Variants in TSC1 observed in about 807,000 individuals in gnomAD.
TSC1 encodes TSC complex subunit 1.
In TSC1, 20 loss-of-function variants were observed where a neutral mutation model predicts 124.3. The observed-to-expected ratio is 0.16, with a 90% confidence interval of 0.11 to 0.23. The LOEUF (loss-of-function observed/expected upper bound fraction) is 0.23, where lower values mean the gene tolerates loss of function less well. Among genes scored for constraint, TSC1 ranks in the 10% least tolerant of loss-of-function variants. TSC1 has a pLI of 1.00. For synonymous variants in TSC1, 493 were observed against 539.1 expected (o/e 0.91, Z 1.19); for missense variants, 1,124 against 1,448.5 (o/e 0.78, Z 3.64).
intron 20 of TSC1, chr9:132,900,205 T>C (rs1845295229): frequency 1.1e-5 from 2 of 177,004 alleles, no homozygotes; most frequent in Admixed American, 1.1e-4. Context: ...CCTGAGGCTA[T>C]TTATAAAGTG....
rs118203723 is a variant in TSC1 at position 132,897,583 on chromosome 9, G to A, written c.2653C>T (p.Arg885Trp). ...CTTCTGTTTTTTTCTAGCTCTTTCC[G>A]ATAGGCGGCTTTCATCATTTCTACT... ...KEVEMMKAAYRKELEKNRSHV... is the reference protein window; with the variant it reads ...KEVEMMKAAYWKELEKNRSHV... The change falls in exon 21 of 23, where the codon CGG becomes TGG. Residue 885 changes from arginine (R) to tryptophan (W), a missense_variant. Physicochemically the swap from Arg to Trp is moderately radical, Grantham distance 101 (BLOSUM62 -3). Transcript: ENST00000298552. 4.0e-5 allele frequency: 59 copies of A among 1,467,532 alleles called. No homozygotes were observed. In the African/African-American group the frequency reaches 6.6e-4, roughly 16 times the overall value. The allele number at this position is 1,467,532 out of a possible 1,614,324, so 90.9% of individuals were successfully genotyped here.
chr9:132,918,165 CA>C (rs1384298041), intron 8 of TSC1, among the ~76,000 whole-genome samples: 1 of 152,070 alleles, frequency 6.6e-6, no homozygotes, highest in East Asian at 1.9e-4. Context: ...TATAAACCCA[CA>C]AGGAGGAGAA....
intron 11 of TSC1, 29 bp from the exon 12 acceptor site, chr9:132,910,721 A>T (rs2131949456): frequency 6.2e-7 from 1 of 1,612,704 alleles, no homozygotes; most frequent in South Asian, 1.1e-5. Flanking sequence ...ACATATATGA[A>T]CACTGAGCCC....
Position 132,903,963 on chromosome 9 carries a change from G to T in TSC1, c.2042-146C>A. On this transcript the variant is annotated intron_variant, in intron 16 of 22. Transcript: ENST00000298552. This position sits in a 1 kb window ranked among gnomAD's most constrained non-coding sequence, Gnocchi z 5.9. Reference sequence around the variant, plus strand: ...TTTGCAAATGACCACTTGACTCCCAGCAACAGCAGGGGGGAAAGTATGGAC... The same window carrying T: ...TTTGCAAATGACCACTTGACTCCCATCAACAGCAGGGGGGAAAGTATGGAC... The T allele has an allele frequency of 1.1e-6, 1 of 921,168 alleles. No individual in the cohort carries two copies. Among genetic ancestry groups the T allele is most frequent in the Non-Finnish European group, 1.7e-6 (1 of 590,928 alleles). 57.1% of individuals were successfully genotyped at this position (921,168 alleles called of 1,614,324 possible).
At position 132,894,908 on chromosome 9, in the gene TSC1, C is replaced by T. The variant is rs1371861698; in HGVS notation, c.*1327G>A. On this transcript the variant is annotated 3_prime_UTR_variant, in exon 23 of 23. Coordinates refer to ENST00000298552, the MANE Select transcript of TSC1 (RefSeq NM_000368.5). ...ACACCAGACCACAGTTCTTAGGCTT[C>T]TAGCGTTTCTTTCAGGAGCACTTGT... 4.3e-6 allele frequency: 1 copy of T among 231,904 alleles called. No individual in the cohort carries two copies. The highest frequency in any genetic ancestry group is 6.1e-5 in the East Asian group (1 of 16,442). 14.4% of individuals were successfully genotyped at this position (231,904 alleles called of 1,614,324 possible).
intron 2 of TSC1, among the ~76,000 whole-genome samples, chr9:132,932,890 T>A (rs1473214707): frequency 6.6e-6 from 1 of 152,232 alleles, no homozygotes; most frequent in Non-Finnish European, 1.5e-5. Flanking sequence ...CAATAAAAGA[T>A]ACTTTGTAAT....
At chr9:132,914,965 AG>A (rs1460887675) in intron 8 of TSC1, among the ~76,000 whole-genome samples, 7 of 152,134 alleles carry the variant, frequency 4.6e-5, no homozygotes, top group Non-Finnish European at 1.0e-4. Context: ...ACTTGAGGCC[AG>A]GGGTTCAAGA....
chr9:132,920,011 GC>G, intron 8 of TSC1, among the ~76,000 whole-genome samples: 1 of 152,336 alleles, frequency 6.6e-6, no homozygotes, highest in East Asian at 1.9e-4. Context: ...CTGAAAGCAG[GC>G]GCAGAGAGCA....
rs397514879 is a variant in TSC1, at chr9:132,897,460, G to C, written c.2776C>G (p.Gln926Glu). The change falls in exon 21 of 23, where the codon CAG (glutamine) becomes GAG (glutamate). Residue 926 changes from glutamine to glutamate, a missense_variant. Gln to Glu is a conservative substitution (Grantham distance 29). Around this residue, in one of 5 missense-constraint regions of TSC1, gnomAD observed 325 missense variants for 383.4 expected, o/e 0.85. Transcript: ENST00000298552. ...LAKKDHLLLE[Q>E]KKYLEDVKLQ... ...TTGACATCCTCTAGATATTTCTTCT[G>C]TTCCAAAAGAAGGTGGTCTTTCTTG... The C allele has an allele frequency of 7.4e-6, 12 of 1,614,148 alleles. No individual in the cohort carries two copies. Among genetic ancestry groups the C allele is most frequent in the South Asian group, 3.3e-5 (3 of 91,086 alleles).
chr9:132,939,796 AG>A lies in TSC1; in HGVS notation c.-143-4702del, dbSNP rs2132462250. Among the ~76,000 whole-genome samples, 2 of 152,294 alleles carry A rather than the reference AG, an allele frequency of 1.3e-5. 1 individual carries two copies. The highest frequency in any genetic ancestry group is 4.1e-4 in the South Asian group (2 of 4,828). ...GAAGAAGGGTATAGTTTGATAGTCTAGGGCAGTGGTTCTCAAAATGTGGTCC... is the reference window on the plus strand; with the variant it reads ...GAAGAAGGGTATAGTTTGATAGTCTAGGCAGTGGTTCTCAAAATGTGGTCC... On this transcript the variant is annotated intron_variant, in intron 1 of 22. Transcript: ENST00000298552.
chr9:132,940,729 CAT>C lies in TSC1; in HGVS notation c.-144+3812_-144+3813del, dbSNP rs1277653080. Reference sequence around the variant, plus strand: ...ATGTAAAATACCACAGTGTTTGGCACATGAGTACTCAAAAAATATAAACTTTA... The same window carrying C: ...ATGTAAAATACCACAGTGTTTGGCACGAGTACTCAAAAAATATAAACTTTA... On this transcript the variant is annotated intron_variant, in intron 1 of 22. Transcript: ENST00000298552. 3.9e-5 allele frequency: 6 copies of C among 152,286 alleles called. No individual in the cohort carries two copies. The South Asian group carries it at 8.3e-4, about 21-fold the overall frequency. 9.4% of individuals were successfully genotyped at this position (152,286 alleles called of 1,614,324 possible).
At position 132,921,112 on chromosome 9, in the gene TSC1, G is replaced by A. The variant is rs992708741; in HGVS notation, c.737+251C>T. ...TCGCCCCATCACTGGCACTACTGAG[G>A]TGTAAGCCTTTCTGGGGGACAGGCA... On this transcript the variant is annotated intron_variant, in intron 8 of 22. Coordinates refer to ENST00000298552, the MANE Select transcript of TSC1 (RefSeq NM_000368.5). This position sits in a 1 kb window ranked among gnomAD's most constrained non-coding sequence, Gnocchi z 4.3. 6.6e-6 allele frequency among the ~76,000 whole-genome samples: 1 copy of A among 152,016 alleles called. No individual in the cohort carries two copies. The highest frequency in any genetic ancestry group is 1.5e-5 in the Non-Finnish European group (1 of 67,992).
intron 3 of TSC1, 105 bp downstream of exon 3, chr9:132,928,662 C>A: frequency 6.7e-7 from 1 of 1,486,338 alleles, no homozygotes; most frequent in Non-Finnish European, 9.1e-7. Context: ...GTTTAAAAAA[C>A]TTTTCAGAAG....
chr9:132,906,187 T>A lies in TSC1; in HGVS notation c.1439-48A>T, dbSNP rs2131853223. 4 of 1,583,472 alleles carry A rather than the reference T, an allele frequency of 2.5e-6. No individual in the cohort carries two copies. Among genetic ancestry groups the A allele is most frequent in the Non-Finnish European group, 3.4e-6 (4 of 1,163,384 alleles). On this transcript the variant is annotated intron_variant, in intron 14 of 22. Transcript: ENST00000298552. This position sits in a 1 kb window ranked among gnomAD's most constrained non-coding sequence, Gnocchi z 4.1. ...AAGAAATGGCAGTCGGTATTCCACC[T>A]GGGAAAGACTAGGCAGTTTGGGTGG...
At chr9:132,929,796 T>C (rs532793463) in intron 2 of TSC1, among the ~76,000 whole-genome samples, 6 of 152,320 alleles carry the variant, frequency 3.9e-5, no homozygotes, top group African/African-American at 7.2e-5. Flanking sequence ...AATTGGCACT[T>C]TTGTCCCCAT....
At chr9:132,926,774 A>C (rs1846887308) in intron 4 of TSC1, 1 of 226,520 alleles carries the variant, frequency 4.4e-6, no homozygotes, top group Non-Finnish European at 8.9e-6. Context: ...TCCCAGGTTC[A>C]AGCGATTCTC....
Position 132,906,467 on chromosome 9 carries a change from T to C in TSC1, c.1438+264A>G, listed in dbSNP as rs1845677579. ...AGGAGGCTGAGGTGGGCGGATTGCT[T>C]GAGCCTGGGAGGTCAAGGCTGCAGT... On this transcript the variant is annotated intron_variant, in intron 14 of 22. Transcript: ENST00000298552. This position sits in a 1 kb window ranked among gnomAD's most constrained non-coding sequence, Gnocchi z 4.1. 5.7e-6 allele frequency: 3 copies of C among 528,082 alleles called. No homozygotes were observed. Among genetic ancestry groups the C allele is most frequent in the East Asian group, 6.9e-5 (2 of 29,088 alleles). 32.7% of individuals were successfully genotyped at this position (528,082 alleles called of 1,614,324 possible). A position where few individuals can be genotyped will look rare whatever the true frequency, so the allele number is the denominator to read the frequency against.
In TSC1 at chr9:132,898,673, G is replaced by A. The variant is rs549433370; in HGVS notation, c.2626-1063C>T. On this transcript the variant is annotated intron_variant, in intron 20 of 22. Coordinates refer to ENST00000298552, the MANE Select transcript of TSC1 (RefSeq NM_000368.5). ...ACAGGACTTATTCATGGATAATCAT[G>A]CAAAGCATTGAACCAGGAACATCCG... Among the ~76,000 whole-genome samples the A allele has an allele frequency of 3.3e-5, 5 of 152,324 alleles. No homozygotes were observed. The East Asian group carries it at 9.6e-4, about 29-fold the overall frequency.
In TSC1 at chr9:132,928,940, G is replaced by A. The variant is rs529212875; in HGVS notation, c.-68C>T. ...ACAGGTTCTGAAGGTTCTTCATTGG[G>A]GCCACTACCAAACTGAGAAAAAGGA... On this transcript the variant is annotated 5_prime_UTR_variant, in exon 3 of 23. Transcript: ENST00000298552. The A allele has an allele frequency of 1.1e-4, 177 of 1,606,714 alleles. No individual in the cohort carries two copies. The African/African-American group carries it at 2.1e-3, about 19-fold the overall frequency.
Sources: gnomAD v4.1 joint callset for allele counts (sites outside exome capture counted in the v4.1 genomes callset) on GRCh38, gnomAD v4.1.1 for gene constraint, gnomAD v4.1.1 regional missense constraint, Gnocchi (gnomAD v3.1) non-coding constraint, MANE v1.5 for transcripts, NCBI Gene and HGNC (gene_info 2026-07-23, HGNC 2026-07-21) for gene names.